The following MAFK variants were observed in gnomAD, a reference collection of about 807,000 sequenced individuals.
MAFK encodes the protein transcription factor MafK.
MAFK carries 1 observed loss-of-function variant against 9.2 expected under a neutral mutation model. That is an observed-to-expected ratio of 0.11 (90% CI 0.04 to 0.52). MAFK has a LOEUF of 0.52. MAFK is among the 20% of genes least tolerant of loss of function. MAFK has a pLI of 0.94. For missense variants in MAFK, 207 were observed against 236.0 expected (o/e 0.88, Z 0.81); for synonymous variants, 110 against 107.4 (o/e 1.02, Z -0.15).
At position 1,540,440 on chromosome 7, in the gene MAFK, C is replaced by T. The variant is rs1380589418; in HGVS notation, c.*65C>T. The T allele has an allele frequency of 6.9e-6, 9 of 1,297,012 alleles. No homozygotes were observed. The Admixed American group carries it at 1.4e-4, about 20-fold the overall frequency. The allele number at this position is 1,297,012 out of a possible 1,614,324, so 80.3% of individuals were successfully genotyped here. On this transcript the variant is annotated 3_prime_UTR_variant, in exon 3 of 3. Coordinates refer to ENST00000343242, the MANE Select transcript of MAFK (RefSeq NM_002360.4). Reference sequence around the variant, plus strand: ...GGCAGGCGGGTGGGGGCACACCCCTCGTACCTGTCACTGGGATGCAGACTC... The same window carrying T: ...GGCAGGCGGGTGGGGGCACACCCCTTGTACCTGTCACTGGGATGCAGACTC...
chr7:1,532,553 T>TC lies in MAFK; in HGVS notation c.-45+1656dup, dbSNP rs780992624. ...TTTGAGGGGCTGGTTGCCCGCAGCG[T>TC]CGACTCCCCAGGTGCTGGTAAACCC... On this transcript the variant is annotated intron_variant, in intron 1 of 2. Transcript: ENST00000343242. The surrounding 1 kb of genome is among the most constrained non-coding windows in gnomAD (Gnocchi z 4.5). 6.6e-6 allele frequency among the ~76,000 whole-genome samples: 1 copy of TC among 152,198 alleles called. No homozygotes were observed. Among genetic ancestry groups the TC allele is most frequent in the African/African-American group, 2.4e-5 (1 of 41,456 alleles).
chr7:1,534,741 CA>C lies in MAFK; in HGVS notation c.-45+3844del, dbSNP rs1282418524. 1 of 429,554 alleles carries C rather than the reference CA, an allele frequency of 2.3e-6. No homozygotes were observed. The highest frequency in any genetic ancestry group is 7.2e-5 in the East Asian group (1 of 13,840). 26.6% of individuals were successfully genotyped at this position (429,554 alleles called of 1,614,324 possible). On this transcript the variant is annotated intron_variant, in intron 1 of 2. Transcript: ENST00000343242. The surrounding 1 kb of genome is among the most constrained non-coding windows in gnomAD (Gnocchi z 4.3). ...GAACAAGTGACCCATCCAGAGCCCCCATGCTGGCCTCGTAGAGCGAGCGGCA... is the reference window on the plus strand; with the variant it reads ...GAACAAGTGACCCATCCAGAGCCCCCTGCTGGCCTCGTAGAGCGAGCGGCA...
At chr7:1,536,831 C>T (rs114617456) in intron 1 of MAFK, among the ~76,000 whole-genome samples, 314 of 152,350 alleles carry the variant, frequency 2.1e-3, no homozygotes, top group African/African-American at 7.1e-3. Context: ...CCCGCTGCGT[C>T]GTCTCTCCAG....
chr7:1,540,968 G>A lies in MAFK; in HGVS notation c.*593G>A, dbSNP rs903179485. 1.3e-5 allele frequency: 2 copies of A among 154,462 alleles called. No individual in the cohort carries two copies. The highest frequency in any genetic ancestry group is 2.9e-5 in the Non-Finnish European group (2 of 69,360). The allele number at this position is 154,462 out of a possible 1,614,324, so 9.6% of individuals were successfully genotyped here. On this transcript the variant is annotated 3_prime_UTR_variant, in exon 3 of 3. Transcript: ENST00000343242. ...TCTGCCTTAGCAGGGGCCTGCGTGA[G>A]TGGGCACGGTGTGGGAGGTCGCCTG...
rs1179958999 is a variant in MAFK, at chr7:1,532,053, C to T, written c.-45+1155C>T. ...AGATCCTGAGACTCAAAACGCCCCC[C>T]ACCGCCCCCCATCGTGGTCTAGGGG... is the stretch of plus-strand genomic sequence containing the variant. On this transcript the variant is annotated intron_variant, in intron 1 of 2. Coordinates refer to ENST00000343242, the MANE Select transcript of MAFK (RefSeq NM_002360.4). This position sits in a 1 kb window ranked among gnomAD's most constrained non-coding sequence, Gnocchi z 4.5. Among the ~76,000 whole-genome samples the T allele has an allele frequency of 1.3e-5, 2 of 152,240 alleles. No individual in the cohort carries two copies. The highest frequency in any genetic ancestry group is 2.9e-5 in the Non-Finnish European group (2 of 68,038).
chr7:1,531,895 C>A (rs1435697783), intron 1 of MAFK, among the ~76,000 whole-genome samples: 1 of 152,226 alleles, frequency 6.6e-6, no homozygotes, highest in East Asian at 1.9e-4. Context: ...TGTCCTGCGT[C>A]CCTGAGCATG....
chr7:1,539,738 T>C (rs1336134182), intron 2 of MAFK, among the ~76,000 whole-genome samples: 1 of 152,164 alleles, frequency 6.6e-6, no homozygotes, highest in Non-Finnish European at 1.5e-5. Context: ...CTTTTCCCGT[T>C]CAGAAAGGGT....
In MAFK at chr7:1,539,965, G is replaced by A. The variant is rs1047765578; in HGVS notation, c.61G>A (p.Ala21Thr). 2.5e-5 allele frequency: 39 copies of A among 1,540,682 alleles called. No homozygotes were observed. The highest frequency in any genetic ancestry group is 2.7e-5 in the Non-Finnish European group (31 of 1,139,674). ...GGTCAAGAAGGAGGCGGGCGAGAAC[G>A]CCCCGGTGCTCAGCGATGATGAGCT... ...LKVKKEAGEN[A>T]PVLSDDELVS... Residue 21 changes from alanine (A) to threonine (T), a missense_variant, in exon 3 of 3, where the codon GCC becomes ACC. By Grantham distance (58) the Ala-to-Thr change is moderately conservative (BLOSUM62 0). Transcript: ENST00000343242.
intron 1 of MAFK, chr7:1,537,392 G>A: frequency 1.0e-6 from 1 of 985,502 alleles, no homozygotes; most frequent in Non-Finnish European, 1.2e-6. Context: ...TGGCCGGCCT[G>A]TGCACTGACG....
At chr7:1,539,854 A>C in intron 2 of MAFK, 87 bp from the exon 3 acceptor site, 1 of 1,173,178 alleles carries the variant, frequency 8.5e-7, no homozygotes, top group Non-Finnish European at 1.2e-6. Flanking sequence ...GTGCAGGGGC[A>C]CCGCTGGGTT....
At chr7:1,538,351 A>T (rs1784088659) in intron 1 of MAFK, 1 of 984,348 alleles carries the variant, frequency 1.0e-6, no homozygotes, top group Non-Finnish European at 1.2e-6. Flanking sequence ...CGGCCCCCGG[A>T]CCTGCCGCCC....
At chr7:1,537,318 C>T (rs905752555) in intron 1 of MAFK, 46 of 935,218 alleles carry the variant, frequency 4.9e-5, no homozygotes, top group Non-Finnish European at 5.6e-5. Context: ...GGGTGGGAGG[C>T]CCGGGTGTGT....
intron 1 of MAFK, chr7:1,537,778 G>C (rs1251810507): frequency 1.1e-6 from 1 of 874,014 alleles, no homozygotes; most frequent in African/African-American, 1.8e-5. Flanking sequence ...AGGGTGGAGG[G>C]ATTTGGGCCC....
At chr7:1,531,889 C>T (rs1262492425) in intron 1 of MAFK, among the ~76,000 whole-genome samples, 1 of 152,248 alleles carries the variant, frequency 6.6e-6, no homozygotes, top group African/African-American at 2.4e-5. Context: ...TCCTGGTGTC[C>T]TGCGTCCCTG....
chr7:1,539,947 A>G lies in MAFK; in HGVS notation c.43A>G (p.Lys15Glu), dbSNP rs1223324256. 3.3e-6 allele frequency: 5 copies of G among 1,528,120 alleles called. No homozygotes were observed. The East Asian group carries it at 9.9e-5, about 30-fold the overall frequency. 94.7% of individuals were successfully genotyped at this position (1,528,120 alleles called of 1,614,324 possible). ...CCGCACTGTGGCCCCCCAGGTCAAG[A>G]AGGAGGCGGGCGAGAACGCCCCGGT... The part of the protein sequence containing the change: ...PKPNKALKVK[K>E]EAGENAPVLS... The change falls in exon 3 of 3, where the codon AAG (lysine) becomes GAG (glutamate). Residue 15 changes from lysine (K) to glutamate (E), a missense_variant. By Grantham distance (56) the Lys-to-Glu change is moderately conservative (BLOSUM62 1). Coordinates refer to ENST00000343242, the MANE Select transcript of MAFK (RefSeq NM_002360.4).
At chr7:1,538,561 C>G in intron 1 of MAFK, 1 of 470,278 alleles carries the variant, frequency 2.1e-6, no homozygotes, top group Non-Finnish European at 2.8e-6. Flanking sequence ...CCCAGAGGCC[C>G]CCTCTCGGGG....
At chr7:1,531,540 G>A (rs1246283606) in intron 1 of MAFK, among the ~76,000 whole-genome samples, 18 of 152,334 alleles carry the variant, frequency 1.2e-4, no homozygotes, top group Admixed American at 1.2e-3. Flanking sequence ...CCGTGGGGAG[G>A]CGGGAGGGGG....
At chr7:1,539,578 GGCCCGA>G (rs1484440684) in intron 2 of MAFK, among the ~76,000 whole-genome samples, 1 of 152,210 alleles carries the variant, frequency 6.6e-6, no homozygotes, top group African/African-American at 2.4e-5. Flanking sequence ...CAGCTCCCAA[GGCCCGA>G]GCCCACCTGT....
At chr7:1,539,485 G>A (rs912316888) in intron 2 of MAFK, among the ~76,000 whole-genome samples, 6 of 152,000 alleles carry the variant, frequency 3.9e-5, no homozygotes, top group Non-Finnish European at 7.4e-5. Context: ...CTGTGTGTCC[G>A]CCGGGCGCTA....
Sources: allele counts gnomAD v4.1 joint callset (sites outside exome capture counted in the v4.1 genomes callset), GRCh38; gene constraint gnomAD v4.1.1; non-coding constraint Gnocchi (gnomAD v3.1); transcripts MANE v1.5; gene names NCBI Gene and HGNC (gene_info 2026-07-23, HGNC 2026-07-21).